The following SLC22A23 variants were observed in gnomAD, a reference collection of about 807,000 sequenced individuals.
SLC22A23 encodes the protein ion transporter protein.
A neutral mutation model predicts 61.0 loss-of-function variants in SLC22A23; 26 were observed. The ratio of observed to expected loss-of-function variants is 0.43; its 90% CI spans 0.31 to 0.59. The LOEUF (loss-of-function observed/expected upper bound fraction) is 0.59, where lower values mean the gene tolerates loss of function less well. Among genes scored for constraint, SLC22A23 ranks in the 20% least tolerant of loss-of-function variants. The pLI is 0.11. For synonymous variants in SLC22A23, 430 were observed against 413.9 expected (o/e 1.04, Z -0.47); for missense variants, 796 against 934.7 (o/e 0.85, Z 1.94).
In SLC22A23 at chr6:3,438,428, G is replaced by A. The variant is rs1771364018; in HGVS notation, c.654+17478C>T. 4 of 438,694 alleles carry A rather than the reference G, an allele frequency of 9.1e-6. No individual in the cohort carries two copies. The Admixed American group carries it at 1.0e-4, about 11-fold the overall frequency. The allele number at this position is 438,694 out of a possible 1,614,324, so 27.2% of individuals were successfully genotyped here. A position where few individuals can be genotyped will look rare whatever the true frequency, so the allele number is the denominator to read the frequency against. Reference sequence around the variant, plus strand: ...GATGATCCATCAGGCTTGCTGCCTGGGCCCCTGGCGGGAACCAGCCTGATC... The same window carrying A: ...GATGATCCATCAGGCTTGCTGCCTGAGCCCCTGGCGGGAACCAGCCTGATC... On this transcript the variant is annotated intron_variant, in intron 1 of 9. Transcript: ENST00000406686.
At position 3,289,708 on chromosome 6, in the gene SLC22A23, C is replaced by T. The variant is rs1760393360; in HGVS notation, c.1313+56G>A. On this transcript the variant is annotated intron_variant, in intron 6 of 9. Coordinates refer to ENST00000406686, the MANE Select transcript of SLC22A23 (RefSeq NM_015482.2). ...GCAGGGCCCTGGGCTTCACCACTCC[C>T]CACCTTCTTCCCTGGCCCCCTCCCA... 3 of 1,476,424 alleles carry T rather than the reference C, an allele frequency of 2.0e-6. No homozygotes were observed. In the East Asian group the frequency reaches 6.8e-5, roughly 34 times the overall value. 91.5% of individuals were successfully genotyped at this position (1,476,424 alleles called of 1,614,324 possible).
intron 3 of SLC22A23, among the ~76,000 whole-genome samples, chr6:3,332,854 G>C (rs1222234973): frequency 6.6e-6 from 1 of 151,756 alleles, no homozygotes; most frequent in Admixed American, 6.6e-5. Flanking sequence ...GACTTCCCCC[G>C]ACCCTCTTTC....
chr6:3,345,309 G>C (rs1399971036), intron 3 of SLC22A23, among the ~76,000 whole-genome samples: 1 of 151,230 alleles, frequency 6.6e-6, no homozygotes, highest in Non-Finnish European at 1.5e-5. Context: ...TTCTTAGAGG[G>C]AAAGCACTCA....
intron 3 of SLC22A23, among the ~76,000 whole-genome samples, chr6:3,341,300 C>CTTTT (rs1256569241): frequency 6.6e-6 from 1 of 152,180 alleles, no homozygotes; most frequent in African/African-American, 2.4e-5. Flanking sequence ...TTGAAGCATA[C>CTTTT]TTTTTGTTGT....
In SLC22A23 at chr6:3,410,259, G is replaced by T; in HGVS notation, c.842C>A (p.Thr281Lys). The part of the protein sequence containing the change: ...GLTVALSVNV[T>K]MFSTLRFFEG... ...AAAGAACCTGAGTGTGCTGAACATT[G>T]TCACATTCACTGACAGTGCCACAGT... The change falls in exon 3 of 10, where the codon ACA becomes AAA. Residue 281 changes from threonine to lysine, a missense_variant. Physicochemically the swap from Thr to Lys is moderately conservative, Grantham distance 78 (BLOSUM62 -1). Coordinates refer to ENST00000406686, the MANE Select transcript of SLC22A23 (RefSeq NM_015482.2). This position sits in a 1 kb window ranked among gnomAD's most constrained non-coding sequence, Gnocchi z 5.0. The T allele has an allele frequency of 6.2e-7, 1 of 1,613,994 alleles. No homozygotes were observed. The highest frequency in any genetic ancestry group is 1.7e-5 in the Admixed American group (1 of 59,988).
At chr6:3,384,111 C>T (rs1232329813) in intron 3 of SLC22A23, among the ~76,000 whole-genome samples, 4 of 152,190 alleles carry the variant, frequency 2.6e-5, no homozygotes, top group Non-Finnish European at 5.9e-5. Flanking sequence ...ATTATCATAG[C>T]AGATGCTTAT....
At chr6:3,417,077 C>T (rs989626918) in intron 1 of SLC22A23, among the ~76,000 whole-genome samples, 3 of 152,128 alleles carry the variant, frequency 2.0e-5, no homozygotes, top group Admixed American at 6.5e-5. Context: ...AGAGCCTTAT[C>T]GAGGCCCCTG....
At chr6:3,292,793 G>A (rs1760724602) in intron 5 of SLC22A23, among the ~76,000 whole-genome samples, 1 of 152,258 alleles carries the variant, frequency 6.6e-6, no homozygotes, top group Non-Finnish European at 1.5e-5. Flanking sequence ...CGTCTGTGAA[G>A]TAGGATGAAG....
chr6:3,305,692 T>C (rs1761925775), intron 4 of SLC22A23, among the ~76,000 whole-genome samples: 1 of 152,244 alleles, frequency 6.6e-6, no homozygotes, highest in Admixed American at 6.5e-5. Context: ...GAGAAATTGA[T>C]GACTTTCAAC....
In SLC22A23 at chr6:3,360,584, C is replaced by G. The variant is rs76714676; in HGVS notation, c.914-36582G>C. Among the ~76,000 whole-genome samples the G allele has an allele frequency of 6.6e-6, 1 of 152,196 alleles. No individual in the cohort carries two copies. Among genetic ancestry groups the G allele is most frequent in the Non-Finnish European group, 1.5e-5 (1 of 68,032 alleles). On this transcript the variant is annotated intron_variant, in intron 3 of 9. Transcript: ENST00000406686. This position sits in a 1 kb window ranked among gnomAD's most constrained non-coding sequence, Gnocchi z 4.6. Reference sequence around the variant, plus strand: ...TCACTTTGGGGCCTTTGCACACATCCGAGTCAACCTCAACAGTCTTAGTCC... The same window carrying G: ...TCACTTTGGGGCCTTTGCACACATCGGAGTCAACCTCAACAGTCTTAGTCC...
At chr6:3,389,088 T>G (rs1441280262) in intron 3 of SLC22A23, among the ~76,000 whole-genome samples, 1 of 151,420 alleles carries the variant, frequency 6.6e-6, no homozygotes, top group African/African-American at 2.4e-5. Context: ...GCCAACATGG[T>G]GAAGCCCCAT....
At chr6:3,440,741 GCAGACACACA>G in intron 1 of SLC22A23, among the ~76,000 whole-genome samples, 1 of 151,570 alleles carries the variant, frequency 6.6e-6, no homozygotes, top group Non-Finnish European at 1.5e-5. Context: ...AGATGAGGAC[GCAGACACACA>G]CAGAGGGAAG....
chr6:3,363,530 C>T (rs955044216), intron 3 of SLC22A23, among the ~76,000 whole-genome samples: 2 of 152,216 alleles, frequency 1.3e-5, no homozygotes, highest in African/African-American at 4.8e-5. Flanking sequence ...CTGCTGCTCA[C>T]CTTGATGTGA....
At chr6:3,405,187 G>T (rs561797847) in intron 3 of SLC22A23, among the ~76,000 whole-genome samples, 20 of 152,152 alleles carry the variant, frequency 1.3e-4, no homozygotes, top group African/African-American at 4.3e-4. Context: ...CTTGAACCTG[G>T]GGGGCGGAGG....
chr6:3,389,039 G>C (rs1433844719), intron 3 of SLC22A23, among the ~76,000 whole-genome samples: 1 of 151,826 alleles, frequency 6.6e-6, no homozygotes. Context: ...AGGCTGCGGC[G>C]GGCAGATCAC....
Position 3,309,757 on chromosome 6 carries a change from CCAAT to C in SLC22A23, c.1083-11543_1083-11540del, listed in dbSNP as rs1762242054. On this transcript the variant is annotated intron_variant, in intron 4 of 9. Coordinates refer to ENST00000406686, the MANE Select transcript of SLC22A23 (RefSeq NM_015482.2). This position sits in a 1 kb window ranked among gnomAD's most constrained non-coding sequence, Gnocchi z 4.7. ...TACCTGCTGCCACAGGGATGGCTCTCCAATCACTCACCAGGGACAGGCAACATTA... is the reference window on the plus strand; with the variant it reads ...TACCTGCTGCCACAGGGATGGCTCTCCACTCACCAGGGACAGGCAACATTA... Among the ~76,000 whole-genome samples, 1 of 152,246 alleles carries C rather than the reference CCAAT, an allele frequency of 6.6e-6. No individual in the cohort carries two copies. Among genetic ancestry groups the C allele is most frequent in the Admixed American group, 6.5e-5 (1 of 15,292 alleles).
rs542713187 is a variant in SLC22A23, at chr6:3,321,177, A to G, written c.1082+2657T>C. Among the ~76,000 whole-genome samples the G allele has an allele frequency of 3.3e-5, 5 of 152,302 alleles. No individual in the cohort carries two copies. In the South Asian group the frequency reaches 8.3e-4, roughly 25 times the overall value. On this transcript the variant is annotated intron_variant, in intron 4 of 9. Coordinates refer to ENST00000406686, the MANE Select transcript of SLC22A23 (RefSeq NM_015482.2). Reference sequence around the variant, plus strand: ...GCATATGTTTTCCGTGCGTTATTTCAGTCTTCAAAACAACCCCATGAAATA... The same window carrying G: ...GCATATGTTTTCCGTGCGTTATTTCGGTCTTCAAAACAACCCCATGAAATA...
At chr6:3,285,899 C>T (rs148528591) in intron 7 of SLC22A23, among the ~76,000 whole-genome samples, 5 of 152,176 alleles carry the variant, frequency 3.3e-5, no homozygotes, top group East Asian at 3.9e-4. Context: ...TCGATGTTCC[C>T]GCAGTGTCCT....
In SLC22A23 at chr6:3,287,079, G is replaced by A. The variant is rs889015746; in HGVS notation, c.1326C>T (p.Tyr442=). 21 of 1,613,950 alleles carry A rather than the reference G, an allele frequency of 1.3e-5. No homozygotes were observed. The Admixed American group carries it at 1.7e-4, about 13-fold the overall frequency. ...TCCTGGCAAAGCAGTGGTGGATCCC[G>A]TACCCCGTCAGCCTGTGGAGACATA... The part of the protein sequence containing the change: ...VVLCVNSLTG[Y]GIHHCFARSM... Residue 442 remains tyrosine (Y), a synonymous_variant, in exon 7 of 10, where the codon TAC becomes TAT. Coordinates refer to ENST00000406686, the MANE Select transcript of SLC22A23 (RefSeq NM_015482.2).
Sources: gnomAD v4.1 joint callset for allele counts (sites outside exome capture counted in the v4.1 genomes callset) on GRCh38, gnomAD v4.1.1 for gene constraint, Gnocchi (gnomAD v3.1) non-coding constraint, MANE v1.5 for transcripts, NCBI Gene and HGNC (gene_info 2026-07-23, HGNC 2026-07-21) for gene names.